The following ZDHHC14 variants were observed in gnomAD, a reference collection of about 807,000 sequenced individuals.
ZDHHC14 encodes the protein zDHHC palmitoyltransferase 14, also known as palmitoyltransferase ZDHHC14.
A neutral mutation model predicts 47.7 loss-of-function variants in ZDHHC14; 16 were observed. The ratio of observed to expected loss-of-function variants is 0.34; its 90% CI spans 0.23 to 0.51. ZDHHC14 has a LOEUF of 0.51. Ranked by LOEUF, ZDHHC14 falls within the 20% of genes least tolerant of loss-of-function variation. ZDHHC14 has a pLI of 0.97. For synonymous variants in ZDHHC14, 293 were observed against 278.9 expected (o/e 1.05, Z -0.50); for missense variants, 515 against 662.5 (o/e 0.78, Z 2.44).
intron 6 of ZDHHC14, 61 bp downstream of exon 6, chr6:157,645,900 A>G: frequency 2.1e-6 from 3 of 1,421,888 alleles, no homozygotes; most frequent in Non-Finnish European, 3.0e-6. Context: ...TGGAGGAGAA[A>G]AAGGAAAGAA....
intron 2 of ZDHHC14, among the ~76,000 whole-genome samples, chr6:157,545,260 C>T (rs1781925955): frequency 6.6e-6 from 1 of 151,948 alleles, no homozygotes; most frequent in Non-Finnish European, 1.5e-5. Context: ...TGAACATGGT[C>T]TAAAATTAAG....
intron 1 of ZDHHC14, among the ~76,000 whole-genome samples, chr6:157,390,547 A>G (rs542514214): frequency 6.6e-6 from 1 of 152,202 alleles, no homozygotes; most frequent in Admixed American, 6.5e-5. Flanking sequence ...ATATAGTCCC[A>G]TACTTTTTAG....
intron 1 of ZDHHC14, among the ~76,000 whole-genome samples, chr6:157,488,121 G>A (rs1475562524): frequency 6.6e-6 from 1 of 152,118 alleles, no homozygotes. Context: ...CCCACATTCC[G>A]GGAGGCCTCC....
chr6:157,568,894 T>C (rs1398742182), intron 2 of ZDHHC14, among the ~76,000 whole-genome samples: 1 of 152,194 alleles, frequency 6.6e-6, no homozygotes, highest in Non-Finnish European at 1.5e-5. Context: ...CTGTTATTTC[T>C]TTGTGTGAGT....
intron 2 of ZDHHC14, among the ~76,000 whole-genome samples, chr6:157,568,846 G>C (rs1783001575): frequency 6.6e-6 from 1 of 151,836 alleles, no homozygotes; most frequent in South Asian, 2.1e-4. Context: ...GGGGGTTGGG[G>C]GCAAATCACA....
chr6:157,453,676 G>A (rs1487898682), intron 1 of ZDHHC14, among the ~76,000 whole-genome samples: 3 of 152,162 alleles, frequency 2.0e-5, no homozygotes, highest in Admixed American at 1.3e-4. Context: ...CAGACACAGC[G>A]CTAGGTGCTG....
intron 1 of ZDHHC14, among the ~76,000 whole-genome samples, chr6:157,400,756 A>G (rs1362963853): frequency 6.6e-6 from 1 of 152,108 alleles, no homozygotes; most frequent in Non-Finnish European, 1.5e-5. Context: ...TGAAATGCAA[A>G]TAGCAGACGC....
At chr6:157,494,865 G>T (rs1279573702) in intron 1 of ZDHHC14, among the ~76,000 whole-genome samples, 1 of 152,064 alleles carries the variant, frequency 6.6e-6, no homozygotes, top group Non-Finnish European at 1.5e-5. Context: ...AAAAGTGCCA[G>T]GGACAGTCAA....
chr6:157,418,971 A>G lies in ZDHHC14; in HGVS notation c.245+36705A>G, dbSNP rs192122352. 1.7e-4 allele frequency among the ~76,000 whole-genome samples: 26 copies of G among 152,320 alleles called. No homozygotes were observed. In the East Asian group the frequency reaches 4.2e-3, roughly 25 times the overall value. On this transcript the variant is annotated intron_variant, in intron 1 of 8. Transcript: ENST00000359775. Reference sequence around the variant, plus strand: ...AAGAATTGTACTGGACGATTGCACTATAAGATGCTAGGAGGTCATATATAG... The same window carrying G: ...AAGAATTGTACTGGACGATTGCACTGTAAGATGCTAGGAGGTCATATATAG...
chr6:157,489,122 C>G (rs1259534979), intron 1 of ZDHHC14, among the ~76,000 whole-genome samples: 1 of 152,236 alleles, frequency 6.6e-6, no homozygotes, highest in Non-Finnish European at 1.5e-5. Context: ...GTGTAAGCAA[C>G]CTGCCTCATC....
intron 1 of ZDHHC14, among the ~76,000 whole-genome samples, chr6:157,466,043 A>G (rs547895884): frequency 6.6e-6 from 1 of 152,220 alleles, no homozygotes; most frequent in South Asian, 2.1e-4. Flanking sequence ...TTCTGTCTCA[A>G]AGAAAAAAAA....
chr6:157,639,713 G>A (rs1375662594), intron 5 of ZDHHC14, among the ~76,000 whole-genome samples: 5 of 152,198 alleles, frequency 3.3e-5, no homozygotes, highest in African/African-American at 7.2e-5. Flanking sequence ...GGGAGAAGCA[G>A]GGCAGTGGGA....
chr6:157,560,796 A>T (rs1339322279), intron 2 of ZDHHC14, among the ~76,000 whole-genome samples: 1 of 152,214 alleles, frequency 6.6e-6, no homozygotes, highest in East Asian at 1.9e-4. Context: ...TTGTGTTTTC[A>T]TCTGGATAAT....
At chr6:157,495,410 G>A (rs567098526) in intron 1 of ZDHHC14, among the ~76,000 whole-genome samples, 2 of 152,214 alleles carry the variant, frequency 1.3e-5, no homozygotes, top group Admixed American at 6.5e-5. Context: ...TTCTGCCCTC[G>A]AGTTCCTTGC....
chr6:157,554,529 C>A (rs1239423811), intron 2 of ZDHHC14, among the ~76,000 whole-genome samples: 3 of 152,176 alleles, frequency 2.0e-5, no homozygotes, highest in Non-Finnish European at 4.4e-5. Context: ...TTTTGTCACA[C>A]AGTACATTTC....
chr6:157,670,024 G>C (rs1778723591), intron 8 of ZDHHC14, among the ~76,000 whole-genome samples: 1 of 152,236 alleles, frequency 6.6e-6, no homozygotes, highest in Non-Finnish European at 1.5e-5. Flanking sequence ...CTCTGCCTCT[G>C]CCCTGTCAAG....
intron 2 of ZDHHC14, among the ~76,000 whole-genome samples, chr6:157,557,223 G>C (rs866982945): frequency 6.6e-6 from 1 of 152,212 alleles, no homozygotes; most frequent in Non-Finnish European, 1.5e-5. Flanking sequence ...AGCAGGAGAG[G>C]AGGATTTGCT....
At chr6:157,395,778 G>A (rs1455746780) in intron 1 of ZDHHC14, among the ~76,000 whole-genome samples, 1 of 145,994 alleles carries the variant, frequency 6.8e-6, no homozygotes, top group African/African-American at 2.6e-5. Context: ...TGGTGACAGA[G>A]CAAGACTCCA....
At chr6:157,473,835 A>C (rs1436648758) in intron 1 of ZDHHC14, among the ~76,000 whole-genome samples, 1 of 152,166 alleles carries the variant, frequency 6.6e-6, no homozygotes, top group Non-Finnish European at 1.5e-5. Context: ...ATGAAACATA[A>C]ATGAATTTCA....
Sources: allele counts gnomAD v4.1 joint callset (sites outside exome capture counted in the v4.1 genomes callset), GRCh38; gene constraint gnomAD v4.1.1; transcripts MANE v1.5; gene names NCBI Gene and HGNC (gene_info 2026-07-23, HGNC 2026-07-21).